GRIK1: variants seen among roughly 807,000 people sequenced by gnomAD.
GRIK1 encodes the protein glutamate receptor ionotropic, kainate 1.
A neutral mutation model predicts 105.7 loss-of-function variants in GRIK1; 69 were observed. The observed-to-expected ratio is 0.65, with a 90% CI of 0.54 to 0.80. The LOEUF (loss-of-function observed/expected upper bound fraction) is 0.80, where lower values mean the gene tolerates loss of function less well. GRIK1 is among the 30% of genes least tolerant of loss of function. GRIK1 has a pLI of 0.00. For synonymous variants in GRIK1, 438 were observed against 431.3 expected (o/e 1.02, Z -0.19); for missense variants, 1,109 against 1,167.3 (o/e 0.95, Z 0.73).
In GRIK1 at chr21:29,787,919, A is replaced by G. The variant is rs566273755; in HGVS notation, c.119-93856T>C. ...GTGTCCCTCATTTTGTTCCTCGTTT[A>G]TCCTGATCTCCCAAGAGAAATAACT... is the stretch of plus-strand genomic sequence containing the variant. On this transcript the variant is annotated intron_variant, in intron 1 of 17. Transcript: ENST00000327783. Among the ~76,000 whole-genome samples the G allele has an allele frequency of 9.2e-5, 14 of 152,298 alleles. 1 individual carries two copies. The South Asian group carries it at 2.5e-3, about 27-fold the overall frequency.
chr21:29,550,755 C>T (rs1005139498), intron 16 of GRIK1, among the ~76,000 whole-genome samples: 5 of 152,210 alleles, frequency 3.3e-5, no homozygotes, highest in Admixed American at 2.6e-4. Context: ...ATTTTAGTTA[C>T]TGCCCATGTG....
intron 1 of GRIK1, among the ~76,000 whole-genome samples, chr21:29,800,140 A>C (rs1249946793): frequency 6.6e-6 from 1 of 152,174 alleles, no homozygotes; most frequent in East Asian, 1.9e-4. Flanking sequence ...CAAATCCCTT[A>C]TAAGTTATCT....
At chr21:29,794,038 C>A (rs766884416) in intron 1 of GRIK1, among the ~76,000 whole-genome samples, 2 of 152,032 alleles carry the variant, frequency 1.3e-5, no homozygotes, top group African/African-American at 2.4e-5. Context: ...AAAAAGACCT[C>A]ATGAGAATAA....
At position 29,642,858 on chromosome 21, in the gene GRIK1, G is replaced by C; in HGVS notation, c.1066C>G (p.Leu356Val). Reference sequence around the variant, plus strand: ...ATCAGGTTCATAAATCTGGGTCCGAGGCGCCATGGCTTATGTCTATGGCAC... The same window carrying C: ...ATCAGGTTCATAAATCTGGGTCCGACGCGCCATGGCTTATGTCTATGGCAC... ...LQCHRHKPWR[L>V]GPRFMNLIKE... The change falls in exon 7 of 18, where the codon CTC (leucine) becomes GTC (valine). Residue 356 changes from leucine (L) to valine (V), a missense_variant. Transcript: ENST00000327783. 1 of 1,614,106 alleles carries C rather than the reference G, an allele frequency of 6.2e-7. No homozygotes were observed. The highest frequency in any genetic ancestry group is 8.5e-7 in the Non-Finnish European group (1 of 1,179,934).
At chr21:29,653,665 A>C (rs2062786584) in intron 5 of GRIK1, among the ~76,000 whole-genome samples, 1 of 152,248 alleles carries the variant, frequency 6.6e-6, no homozygotes. Flanking sequence ...GACACTTTGC[A>C]GTTCTCAAGT....
intron 1 of GRIK1, among the ~76,000 whole-genome samples, chr21:29,869,896 T>C (rs531012455): frequency 7.9e-5 from 12 of 152,186 alleles, no homozygotes; most frequent in Non-Finnish European, 1.2e-4. Context: ...CTGAGTATAA[T>C]TTATATATTT....
At chr21:29,616,221 C>T (rs377200285) in intron 7 of GRIK1, among the ~76,000 whole-genome samples, 1 of 152,184 alleles carries the variant, frequency 6.6e-6, no homozygotes, top group East Asian at 1.9e-4. Context: ...GCCTCTTCTG[C>T]TAGCTCAACT....
rs776363695 is a variant in GRIK1 at position 29,537,819 on chromosome 21, T to G, written c.2673A>C (p.Lys891Asn). ...AAACCTTCTCTACACCAAGGCTTTGTTTTTTTCTCCCATGAAACCTTACTT... is the reference window on the plus strand; with the variant it reads ...AAACCTTCTCTACACCAAGGCTTTGGTTTTTTCTCCCATGAAACCTTACTT... ...RNKVRFHGRK[K>N]QSLGVEKCLS... is the part of the protein sequence containing the mutation. Residue 891 changes from lysine to asparagine, a missense_variant, in exon 17 of 18, where the codon AAA becomes AAC. Physicochemically the swap from Lys to Asn is moderately conservative, Grantham distance 94. Around this residue, in one of 5 missense-constraint regions of GRIK1, gnomAD observed 161 missense variants for 143.4 expected, o/e 1.12. Transcript: ENST00000327783. 6.0e-5 allele frequency: 91 copies of G among 1,524,486 alleles called. No homozygotes were observed. The highest frequency in any genetic ancestry group is 7.5e-5 in the Non-Finnish European group (83 of 1,099,812). The allele number at this position is 1,524,486 out of a possible 1,614,324, so 94.4% of individuals were successfully genotyped here. A position where few individuals can be genotyped will look rare whatever the true frequency, so the allele number is the denominator to read the frequency against.
At chr21:29,881,524 A>G (rs2069408561) in intron 1 of GRIK1, among the ~76,000 whole-genome samples, 1 of 152,116 alleles carries the variant, frequency 6.6e-6, no homozygotes, top group African/African-American at 2.4e-5. Flanking sequence ...TAACACATGT[A>G]TCTGGAACTC....
At chr21:29,867,886 A>AAGAGAGAGAGAGAGAGAAAGAGAG (rs2068866072) in intron 1 of GRIK1, among the ~76,000 whole-genome samples, 1 of 129,032 alleles carries the variant, frequency 7.8e-6, no homozygotes. Flanking sequence ...AAGAGAGAGA[A>AAGAGAGAGAGAGAGAGAAAGAGAG]AGAGAGAGAG....
intron 16 of GRIK1, among the ~76,000 whole-genome samples, chr21:29,543,996 TATTTA>T (rs2090012127): frequency 6.6e-6 from 1 of 152,202 alleles, no homozygotes; most frequent in Admixed American, 6.5e-5. Flanking sequence ...TCTTCTGCTC[TATTTA>T]ATTTTTGTTC....
At chr21:29,885,710 G>A (rs138821130) in intron 1 of GRIK1, among the ~76,000 whole-genome samples, 8 of 152,184 alleles carry the variant, frequency 5.3e-5, no homozygotes, top group Middle Eastern at 6.8e-3. Flanking sequence ...TTTCTAACAA[G>A]GAGGACTGCT....
At chr21:29,537,704 A>G in intron 17 of GRIK1, 94 bp downstream of exon 17, 1 of 798,906 alleles carries the variant, frequency 1.3e-6, no homozygotes, top group Non-Finnish European at 2.3e-6. Context: ...AATAGAGTTA[A>G]ATTAAGTCAT....
At chr21:29,820,838 G>A (rs75434286) in intron 1 of GRIK1, among the ~76,000 whole-genome samples, 13,530 of 151,702 alleles carry the variant, frequency 0.089, 709 homozygotes, top group Admixed American at 0.13. Context: ...TTTTACAGAC[G>A]GCAAACTGAG....
chr21:29,929,670 A>G, intron 1 of GRIK1, among the ~76,000 whole-genome samples: 1 of 152,248 alleles, frequency 6.6e-6, no homozygotes, highest in South Asian at 2.1e-4. Context: ...AAATTAACAA[A>G]TGCTGGCGAG....
intron 1 of GRIK1, among the ~76,000 whole-genome samples, chr21:29,769,314 G>A (rs2065753790): frequency 6.6e-6 from 1 of 152,134 alleles, no homozygotes; most frequent in African/African-American, 2.4e-5. Context: ...TTGACACAGA[G>A]ACAGACGCGT....
intron 1 of GRIK1, among the ~76,000 whole-genome samples, chr21:29,865,118 T>G (rs980361061): frequency 2.0e-5 from 3 of 152,238 alleles, no homozygotes; most frequent in African/African-American, 7.2e-5. Flanking sequence ...CTTTTTTCCC[T>G]TGTGTCTATT....
rs948109849 is a variant in GRIK1 at position 29,785,721 on chromosome 21, G to A, written c.119-91658C>T. Among the ~76,000 whole-genome samples the A allele has an allele frequency of 1.5e-4, 23 of 152,206 alleles. No individual in the cohort carries two copies. In the East Asian group the frequency reaches 4.4e-3, roughly 29 times the overall value. ...CATAGATTCCCGTGGCTGCTGTAGC[G>A]AATGAACAGAAACTTGGTGGCTTAA... On this transcript the variant is annotated intron_variant, in intron 1 of 17. Coordinates refer to ENST00000327783, the MANE Select transcript of GRIK1 (RefSeq NM_001330994.2).
rs753804428 is a variant in GRIK1, at chr21:29,591,177, T to C, written c.1300A>G (p.Lys434Glu). 2.5e-6 allele frequency: 4 copies of C among 1,612,160 alleles called. No individual in the cohort carries two copies. The highest frequency in any genetic ancestry group is 3.4e-6 in the Non-Finnish European group (4 of 1,178,172). Residue 434 changes from lysine (K) to glutamate (E), a missense_variant, in exon 10 of 18, where the codon AAA becomes GAA. Lys to Glu is a moderately conservative substitution (Grantham distance 56). Transcript: ENST00000327783. ...TCAGTGATATTGCTGGACTTGTCTT[T>C]GTTGCTGTCCGTCATGTTAAGCCCA... ...NSGLNMTDSN[K>E]DKSSNITDSL...
Sources: gnomAD v4.1 joint callset for allele counts (sites outside exome capture counted in the v4.1 genomes callset) on GRCh38, gnomAD v4.1.1 for gene constraint, gnomAD v4.1.1 regional missense constraint, MANE v1.5 for transcripts, NCBI Gene and HGNC (gene_info 2026-07-23, HGNC 2026-07-21) for gene names.